Variants in DDX31 observed in about 807,000 individuals in gnomAD.
DDX31 encodes DEAD-box helicase 31.
In DDX31, 70 loss-of-function variants were observed where a neutral mutation model predicts 91.3. That is an observed-to-expected ratio of 0.77 (90% CI 0.63 to 0.94). The LOEUF (loss-of-function observed/expected upper bound fraction) is 0.94, where lower values mean the gene tolerates loss of function less well. Among genes scored for constraint, DDX31 ranks in the 40% least tolerant of loss-of-function variants. The pLI is 0.00. For missense variants in DDX31, 902 were observed against 925.0 expected (o/e 0.98, Z 0.32); for synonymous variants, 362 against 350.6 (o/e 1.03, Z -0.36).
chr9:132,601,621 C>T (rs1830726247), intron 19 of DDX31, among the ~76,000 whole-genome samples: 1 of 152,224 alleles, frequency 6.6e-6, no homozygotes, highest in Non-Finnish European at 1.5e-5. Context: ...GGGCAGTTTC[C>T]ATTGTAAGTC....
In DDX31 at chr9:132,598,572, A is replaced by C. The variant is rs74918075; in HGVS notation, c.1995-3460T>G. ...AGGTGAAATCACAGCCTAATTAGTAAATCAATATACCCCGTTACAATGACC... is the reference window on the plus strand; with the variant it reads ...AGGTGAAATCACAGCCTAATTAGTACATCAATATACCCCGTTACAATGACC... On this transcript the variant is annotated intron_variant, in intron 19 of 19. Coordinates refer to ENST00000372159, the MANE Select transcript of DDX31 (RefSeq NM_022779.9). 2.3e-3 allele frequency among the ~76,000 whole-genome samples: 352 copies of C among 152,314 alleles called. 3 individuals carry two copies. Among genetic ancestry groups the C allele is most frequent in the Non-Finnish European group, 2.1e-3 (144 of 68,030 alleles).
intron 18 of DDX31, among the ~76,000 whole-genome samples, chr9:132,617,808 G>T (rs769749091): frequency 1.3e-5 from 2 of 152,172 alleles, no homozygotes; most frequent in Non-Finnish European, 2.9e-5. Flanking sequence ...CCAACAAAGG[G>T]TCTGAATATT....
chr9:132,652,513 A>G, intron 6 of DDX31, 21 bp from the exon 7 acceptor site: 1 of 1,613,948 alleles, frequency 6.2e-7, no homozygotes, highest in Non-Finnish European at 8.5e-7. Context: ...ACAGAAAAAA[A>G]ATGCCATGAG....
intron 19 of DDX31, among the ~76,000 whole-genome samples, chr9:132,609,902 G>C (rs1359001289): frequency 6.6e-6 from 1 of 152,158 alleles, no homozygotes; most frequent in Non-Finnish European, 1.5e-5. Flanking sequence ...TTATAAGAGT[G>C]AGTCACCGCG....
At chr9:132,618,484 G>T in intron 17 of DDX31, 43 bp from the exon 18 acceptor site, 2 of 1,550,464 alleles carry the variant, frequency 1.3e-6, no homozygotes, top group African/African-American at 1.4e-5. Context: ...TAGAGTCAAG[G>T]TCAGGAATAA....
At chr9:132,657,406 A>G (rs1179541681) in intron 6 of DDX31, among the ~76,000 whole-genome samples, 2 of 152,018 alleles carry the variant, frequency 1.3e-5, no homozygotes, top group East Asian at 3.9e-4. Flanking sequence ...GCCTGAAACA[A>G]TACTACTGTG....
chr9:132,651,172 T>TA, intron 7 of DDX31, 56 bp from the exon 8 acceptor site: 4 of 1,328,556 alleles, frequency 3.0e-6, no homozygotes, highest in East Asian at 2.4e-5. Flanking sequence ...TTTTTTTTTT[T>TA]AAAGACAATT....
intron 16 of DDX31, among the ~76,000 whole-genome samples, chr9:132,627,356 G>T (rs936351734): frequency 6.6e-6 from 1 of 152,104 alleles, no homozygotes; most frequent in African/African-American, 2.4e-5. Flanking sequence ...GAGAGGGAAC[G>T]GGAGTGATTT....
At chr9:132,615,587 C>T (rs903807449) in intron 18 of DDX31, among the ~76,000 whole-genome samples, 2 of 152,208 alleles carry the variant, frequency 1.3e-5, no homozygotes, top group Admixed American at 1.3e-4. Context: ...AGAAGCATCC[C>T]TTCCAAACAG....
In DDX31 at chr9:132,593,568, CACCTGCAGAGGA is replaced by C. The variant is rs1196311746; in HGVS notation, c.*1286_*1297del. On this transcript the variant is annotated 3_prime_UTR_variant, in exon 20 of 20. Coordinates refer to ENST00000372159, the MANE Select transcript of DDX31 (RefSeq NM_022779.9). Reference sequence around the variant, plus strand: ...CAACTCTGAGAAGGTCCTATTTTTCCACCTGCAGAGGATCCAGTCTCACTAGGCTCCTCCTTG... The same window carrying C: ...CAACTCTGAGAAGGTCCTATTTTTCCTCCAGTCTCACTAGGCTCCTCCTTG... 6.6e-6 allele frequency: 1 copy of C among 152,174 alleles called. No homozygotes were observed. Among genetic ancestry groups the C allele is most frequent in the East Asian group, 1.9e-4 (1 of 5,180 alleles). 9.4% of individuals were successfully genotyped at this position (152,174 alleles called of 1,614,324 possible). A position where few individuals can be genotyped will look rare whatever the true frequency, so the allele number is the denominator to read the frequency against.
intron 6 of DDX31, among the ~76,000 whole-genome samples, chr9:132,657,890 A>G (rs1834672111): frequency 6.6e-6 from 1 of 152,226 alleles, no homozygotes; most frequent in South Asian, 2.1e-4. Flanking sequence ...AATCTCAAAA[A>G]TGAGGTAGCC....
chr9:132,599,009 T>C (rs1392572577), intron 19 of DDX31, among the ~76,000 whole-genome samples: 7 of 152,188 alleles, frequency 4.6e-5, no homozygotes, highest in African/African-American at 1.7e-4. Context: ...GCAGGCTCTG[T>C]GTGAAAAGCA....
At chr9:132,618,909 T>C (rs1831815342) in intron 17 of DDX31, among the ~76,000 whole-genome samples, 1 of 152,234 alleles carries the variant, frequency 6.6e-6, no homozygotes, top group Admixed American at 6.5e-5. Flanking sequence ...TTTTAAAAGT[T>C]ACCCCATCCT....
At chr9:132,609,555 C>T (rs1006475872) in intron 19 of DDX31, among the ~76,000 whole-genome samples, 3 of 152,208 alleles carry the variant, frequency 2.0e-5, no homozygotes, top group Non-Finnish European at 4.4e-5. Context: ...GGGAGATCAT[C>T]TGCTAACTAT....
rs138153297 is a variant in DDX31 at position 132,632,938 on chromosome 9, T to G, written c.1441-847A>C. Among the ~76,000 whole-genome samples the G allele has an allele frequency of 3.3e-5, 5 of 152,320 alleles. No individual in the cohort carries two copies. In the East Asian group the frequency reaches 9.6e-4, roughly 29 times the overall value. On this transcript the variant is annotated intron_variant, in intron 14 of 19. Transcript: ENST00000372159. ...ACCAGAAAGTGGGAATTTCCCTGACTTTAGCATACATCTGTACTCAGCATT... is the reference window on the plus strand; with the variant it reads ...ACCAGAAAGTGGGAATTTCCCTGACGTTAGCATACATCTGTACTCAGCATT...
rs753492914 is a variant in DDX31, at chr9:132,645,919, C to T, written c.1356G>A (p.Arg452=). 31 of 1,613,340 alleles carry T rather than the reference C, an allele frequency of 1.9e-5. No homozygotes were observed. Among genetic ancestry groups the T allele is most frequent in the Non-Finnish European group, 2.5e-5 (29 of 1,179,718 alleles). ...CCTCCTGCTCCATGCCGCCATGCAGCCGTAGGAATTTTAATCGCATGGAGG... is the reference window on the plus strand; with the variant it reads ...CCTCCTGCTCCATGCCGCCATGCAGTCGTAGGAATTTTAATCGCATGGAGG... ...PSASMRLKFL[R]LHGGMEQEER... The change falls in exon 13 of 20, where the codon CGG becomes CGA. Residue 452 remains arginine (R), a synonymous_variant. Coordinates refer to ENST00000372159, the MANE Select transcript of DDX31 (RefSeq NM_022779.9).
intron 13 of DDX31, among the ~76,000 whole-genome samples, chr9:132,644,996 T>C (rs949177410): frequency 2.0e-5 from 3 of 152,200 alleles, no homozygotes; most frequent in Non-Finnish European, 4.4e-5. Context: ...GCTGGACTTG[T>C]TTAGGATCGT....
chr9:132,621,373 A>G (rs138911316), intron 17 of DDX31, among the ~76,000 whole-genome samples: 1 of 152,318 alleles, frequency 6.6e-6, no homozygotes, highest in East Asian at 1.9e-4. Context: ...GCTTCCCAGT[A>G]AAGTTGAAAG....
intron 19 of DDX31, among the ~76,000 whole-genome samples, chr9:132,604,458 T>C (rs1475562236): frequency 6.6e-6 from 1 of 152,114 alleles, no homozygotes; most frequent in Non-Finnish European, 1.5e-5. Context: ...AGGTTCTACA[T>C]AAAAAACTAC....
Sources: allele counts gnomAD v4.1 joint callset (sites outside exome capture counted in the v4.1 genomes callset), GRCh38; gene constraint gnomAD v4.1.1; transcripts MANE v1.5; gene names NCBI Gene and HGNC (gene_info 2026-07-23, HGNC 2026-07-21).